Variants in PNPLA7 observed in about 807,000 individuals in gnomAD.
PNPLA7 encodes the protein patatin-like phospholipase domain-containing protein 7.
PNPLA7 carries 153 observed loss-of-function variants against 161.7 expected under a neutral mutation model. The observed-to-expected ratio is 0.95, with a 90% CI of 0.83 to 1.08. PNPLA7 has a LOEUF of 1.08. PNPLA7 is among the 50% of genes least tolerant of loss of function. The pLI is 0.00. For synonymous variants in PNPLA7, 809 were observed against 782.1 expected, an observed-to-expected ratio of 1.03 and a Z score of -0.57; for missense variants, 1,739 against 1,856.6, an observed-to-expected ratio of 0.94 and a Z score of 1.16.
chr9:137,523,448 A>C lies in PNPLA7; in HGVS notation c.748-591T>G, dbSNP rs1036495136. On this transcript the variant is annotated intron_variant, in intron 8 of 34. Transcript: ENST00000406427. This position sits in a 1 kb window ranked among gnomAD's most constrained non-coding sequence, Gnocchi z 4.4. ...CTCCACACGGCCAAGGAAAGAGCCC[A>C]GGAAAAGCCCCAGTGAGTGACGTGG... 6.6e-6 allele frequency among the ~76,000 whole-genome samples: 1 copy of C among 152,222 alleles called. No homozygotes were observed. Among genetic ancestry groups the C allele is most frequent in the African/African-American group, 2.4e-5 (1 of 41,458 alleles).
chr9:137,462,982 C>T lies in PNPLA7; in HGVS notation c.3344-149G>A, dbSNP rs1001817307. 4.1e-5 allele frequency: 44 copies of T among 1,085,556 alleles called. 2 individuals carry two copies. In the South Asian group the frequency reaches 6.6e-4, roughly 16 times the overall value. The allele number at this position is 1,085,556 out of a possible 1,614,324, so 67.2% of individuals were successfully genotyped here. A position where few individuals can be genotyped will look rare whatever the true frequency, so the allele number is the denominator to read the frequency against. ...TCTAGAGGCAGAAGACCCACATGCC[C>T]AGCTCGATGGGCAGCTGTGGGCACA... On this transcript the variant is annotated intron_variant, in intron 29 of 34. Transcript: ENST00000406427.
Position 137,521,607 on chromosome 9 carries a change from T to C in PNPLA7, c.957+29A>G, listed in dbSNP as rs752652849. The C allele has an allele frequency of 3.7e-6, 6 of 1,609,352 alleles. 1 individual carries two copies. In the South Asian group the frequency reaches 6.6e-5, roughly 18 times the overall value. ...CCGATGCCAGCTGCATGGAGCAGCATGGGGCTTTGTGAGGTGGTTTTCACT... is the reference window on the plus strand; with the variant it reads ...CCGATGCCAGCTGCATGGAGCAGCACGGGGCTTTGTGAGGTGGTTTTCACT... On this transcript the variant is annotated intron_variant, in intron 10 of 34. Coordinates refer to ENST00000406427, the MANE Select transcript of PNPLA7 (RefSeq NM_001098537.3).
Position 137,550,097 on chromosome 9 carries a change from G to A in PNPLA7, c.30+71C>T, listed in dbSNP as rs1342311786. The A allele has an allele frequency of 5.0e-6, 8 of 1,588,554 alleles. No individual in the cohort carries two copies. In the African/African-American group the frequency reaches 6.7e-5, roughly 13 times the overall value. On this transcript the variant is annotated intron_variant, in intron 1 of 34. Coordinates refer to ENST00000406427, the MANE Select transcript of PNPLA7 (RefSeq NM_001098537.3). ...GAGCGCGGCAGAGCAGACGCCAAGA[G>A]GACCCTTCTCTGGGTCCAGAAATGC...
Position 137,468,182 on chromosome 9 carries a change from C to A in PNPLA7, c.2883-709G>T, listed in dbSNP as rs1831562287. Among the ~76,000 whole-genome samples, 1 of 151,794 alleles carries A rather than the reference C, an allele frequency of 6.6e-6. No homozygotes were observed. The highest frequency in any genetic ancestry group is 6.6e-5 in the Admixed American group (1 of 15,258). On this transcript the variant is annotated intron_variant, in intron 25 of 34. Transcript: ENST00000406427. The surrounding 1 kb of genome is among the most constrained non-coding windows in gnomAD (Gnocchi z 4.0). Reference sequence around the variant, plus strand: ...CCAGCACCCATGAGACCAGGGAGCACCCCCGAGACCAGGGGGCACCCCCGA... The same window carrying A: ...CCAGCACCCATGAGACCAGGGAGCAACCCCGAGACCAGGGGGCACCCCCGA...
In PNPLA7 at chr9:137,547,232, A is replaced by C. The variant is rs932330411; in HGVS notation, c.193+77T>G. On this transcript the variant is annotated intron_variant, in intron 3 of 34. Coordinates refer to ENST00000406427, the MANE Select transcript of PNPLA7 (RefSeq NM_001098537.3). This position sits in a 1 kb window ranked among gnomAD's most constrained non-coding sequence, Gnocchi z 4.6. ...CACCATGCGCTTGAGGGCCCCTCCC[A>C]GGGGCTCAAAACACATCCCAAGACA... 1.4e-6 allele frequency: 2 copies of C among 1,417,434 alleles called. No homozygotes were observed. Among genetic ancestry groups the C allele is most frequent in the Non-Finnish European group, 2.0e-6 (2 of 1,004,932 alleles). The allele number at this position is 1,417,434 out of a possible 1,614,324, so 87.8% of individuals were successfully genotyped here. A position where few individuals can be genotyped will look rare whatever the true frequency, so the allele number is the denominator to read the frequency against.
chr9:137,534,170 G>A (rs1283981090), intron 8 of PNPLA7, among the ~76,000 whole-genome samples: 1 of 147,572 alleles, frequency 6.8e-6, no homozygotes, highest in Non-Finnish European at 1.5e-5. Context: ...CCAGACGGGA[G>A]CACCCCCAGA....
intron 28 of PNPLA7, 36 bp downstream of exon 28, chr9:137,464,090 A>C: frequency 6.2e-7 from 1 of 1,604,380 alleles, no homozygotes; most frequent in South Asian, 1.1e-5. Context: ...CACACCTCGC[A>C]CCCAAGCGGC....
In PNPLA7 at chr9:137,505,486, C is replaced by T. The variant is rs75775965; in HGVS notation, c.1473+128G>A. On this transcript the variant is annotated intron_variant, in intron 14 of 34. Transcript: ENST00000406427. ...GGACCCCAAAAGACAAGCAAGCCTG[C>T]ACTCCACCCAAAACACCTCCTTTGC... 5.3e-4 allele frequency: 580 copies of T among 1,090,012 alleles called. 6 individuals are homozygous for T. In the African/African-American group the frequency reaches 8.6e-3, roughly 16 times the overall value. The allele number at this position is 1,090,012 out of a possible 1,614,324, so 67.5% of individuals were successfully genotyped here.
chr9:137,460,901 A>C, intron 33 of PNPLA7, 164 bp from the exon 34 acceptor site: 1 of 605,848 alleles, frequency 1.7e-6, no homozygotes, highest in Non-Finnish European at 2.9e-6. Flanking sequence ...CCTGCACACC[A>C]CCCCTGGTTC....
intron 1 of PNPLA7, 105 bp downstream of exon 1, chr9:137,550,063 G>A (rs1016766109): frequency 1.4e-5 from 20 of 1,423,084 alleles, no homozygotes; most frequent in Middle Eastern, 2.3e-4. Context: ...AAGAAGCCAC[G>A]GGGCCAAAGA....
At chr9:137,483,331 T>A (rs945090455) in intron 21 of PNPLA7, among the ~76,000 whole-genome samples, 16 of 152,236 alleles carry the variant, frequency 1.1e-4, no homozygotes, top group African/African-American at 3.9e-4. Context: ...CTCTGACTGA[T>A]GTCACCGGAA....
chr9:137,512,556 A>C (rs1034065810), intron 12 of PNPLA7, among the ~76,000 whole-genome samples: 4 of 152,244 alleles, frequency 2.6e-5, no homozygotes, highest in African/African-American at 9.6e-5. Context: ...TACCTGGTTC[A>C]CAAGTGAGTT....
At chr9:137,514,681 CAGG>C (rs1299159410) in intron 12 of PNPLA7, among the ~76,000 whole-genome samples, 11 of 121,390 alleles carry the variant, frequency 9.1e-5, no homozygotes, top group East Asian at 2.6e-4. Flanking sequence ...GGCTGGGCTG[CAGG>C]CGGGTCACTC....
intron 14 of PNPLA7, among the ~76,000 whole-genome samples, chr9:137,502,893 T>C (rs1315860486): frequency 2.0e-5 from 3 of 151,654 alleles, no homozygotes; most frequent in African/African-American, 4.9e-5. Flanking sequence ...TCCTGAAATA[T>C]CCACCAGTGA....
chr9:137,520,687 C>T lies in PNPLA7; in HGVS notation c.958-644G>A, dbSNP rs1157466670. On this transcript the variant is annotated intron_variant, in intron 10 of 34. Transcript: ENST00000406427. The surrounding 1 kb of genome is among the most constrained non-coding windows in gnomAD (Gnocchi z 5.2). ...ACGAAACCCTGGTCTCACTCAGTTC[C>T]CACGAGAGCTCGGCTAGGTGGGGAC... Among the ~76,000 whole-genome samples the T allele has an allele frequency of 6.6e-6, 1 of 152,242 alleles. No individual in the cohort carries two copies. Among genetic ancestry groups the T allele is most frequent in the Non-Finnish European group, 1.5e-5 (1 of 68,034 alleles).
rs775961991 is a variant in PNPLA7, at chr9:137,542,660, C to T, written c.648G>A (p.Glu216=). The T allele has an allele frequency of 4.3e-6, 7 of 1,610,162 alleles. No individual in the cohort carries two copies. The African/African-American group carries it at 9.4e-5, about 22-fold the overall frequency. The change falls in exon 7 of 35, where the codon GAG becomes GAA. Residue 216 remains glutamate (E), a synonymous_variant. Transcript: ENST00000406427. The part of the protein sequence containing the change: ...SICVVQDGRL[E]VCIQDTDGTE... ...GACTCACAGTGTCCTGGATGCAGAC[C>T]TCCAGCCGCCCGTCCTGCACCACAC...
At chr9:137,517,229 A>C (rs1452442868) in intron 11 of PNPLA7, among the ~76,000 whole-genome samples, 1 of 65,260 alleles carries the variant, frequency 1.5e-5, no homozygotes, top group Admixed American at 1.8e-4. Flanking sequence ...CACTCTGTCC[A>C]CTCCATCCCT....
chr9:137,461,903 T>G, intron 32 of PNPLA7, 28 bp downstream of exon 32: 1 of 1,521,774 alleles, frequency 6.6e-7, no homozygotes, highest in Non-Finnish European at 8.8e-7. Context: ...TCCGGGGAGC[T>G]GGGCGTGGTC....
At chr9:137,507,284 T>C (rs921671281) in intron 12 of PNPLA7, among the ~76,000 whole-genome samples, 1 of 152,252 alleles carries the variant, frequency 6.6e-6, no homozygotes, top group Non-Finnish European at 1.5e-5. Context: ...GCTGACCCTC[T>C]GGGCTGGGCG....
Sources: gnomAD v4.1 joint callset for allele counts (sites outside exome capture counted in the v4.1 genomes callset) on GRCh38, gnomAD v4.1.1 for gene constraint, Gnocchi (gnomAD v3.1) non-coding constraint, MANE v1.5 for transcripts, NCBI Gene and HGNC (gene_info 2026-07-23, HGNC 2026-07-21) for gene names.